Variants in ZNF343 observed in about 807,000 individuals in gnomAD.
The protein encoded by ZNF343 is zinc finger protein 343.
Under a neutral mutation model 13.8 loss-of-function variants are expected in ZNF343, and 11 were observed. The observed-to-expected ratio is 0.80, with a 90% confidence interval of 0.50 to 1.32. ZNF343 has a LOEUF of 1.32. ZNF343 is among the 40% of genes most tolerant of loss of function. The pLI is 0.00. For missense variants in ZNF343, 658 were observed against 714.2 expected (o/e 0.92, Z 0.90); for synonymous variants, 248 against 260.0 (o/e 0.95, Z 0.44).
At chr20:2,488,537 G>A (rs531158283) in intron 5 of ZNF343, among the ~76,000 whole-genome samples, 1 of 151,912 alleles carries the variant, frequency 6.6e-6, no homozygotes, top group Non-Finnish European at 1.5e-5. Context: ...CAACTCAAAG[G>A]ACACATTTTA....
chr20:2,506,872 C>G (rs1183429074), intron 1 of ZNF343, among the ~76,000 whole-genome samples: 1 of 151,700 alleles, frequency 6.6e-6, no homozygotes, highest in African/African-American at 2.4e-5. Context: ...GTGCAGCACA[C>G]CAACATGGAA....
intron 2 of ZNF343, among the ~76,000 whole-genome samples, chr20:2,495,922 C>T (rs554714510): frequency 6.6e-6 from 1 of 152,092 alleles, no homozygotes; most frequent in Admixed American, 6.6e-5. Flanking sequence ...CTTTGTGATC[C>T]GTCTGCCTCG....
upstream of ZNF343, among the ~76,000 whole-genome samples, chr20:2,513,037 C>T (rs994914154): frequency 2.0e-5 from 3 of 151,972 alleles, no homozygotes; most frequent in Admixed American, 1.3e-4. Context: ...GAGTTCCAAG[C>T]TGCAGTGAGC....
chr20:2,496,564 G>C (rs895526418), intron 2 of ZNF343, among the ~76,000 whole-genome samples: 3 of 152,128 alleles, frequency 2.0e-5, no homozygotes, highest in Non-Finnish European at 4.4e-5. Context: ...GGTAGACTAG[G>C]AACAGACAAA....
chr20:2,499,577 G>A (rs1421755723), intron 2 of ZNF343, among the ~76,000 whole-genome samples: 1 of 151,968 alleles, frequency 6.6e-6, no homozygotes, highest in Non-Finnish European at 1.5e-5. Context: ...AGGGTGGAAG[G>A]TGAACTAGAA....
rs374016407 is a variant in ZNF343 at position 2,497,583 on chromosome 20, C to G, written c.-150+3073G>C. 8.5e-5 allele frequency among the ~76,000 whole-genome samples: 13 copies of G among 152,218 alleles called. No individual in the cohort carries two copies. In the East Asian group the frequency reaches 1.9e-3, roughly 23 times the overall value. ...TTAGCACAGTAGTGGCTGCTGGTGA[C>G]CTTGGCAAGAACAGTTTCTGGAGGG... On this transcript the variant is annotated intron_variant, in intron 2 of 5. Transcript: ENST00000278772.
chr20:2,501,665 G>C (rs2085569473), intron 1 of ZNF343, among the ~76,000 whole-genome samples: 2 of 152,214 alleles, frequency 1.3e-5, no homozygotes, highest in Non-Finnish European at 2.9e-5. Flanking sequence ...AATATCCACT[G>C]TTCTGCAGCC....
At chr20:2,515,887 C>T (rs939995711) in intron 1 of ZNF343, among the ~76,000 whole-genome samples, 24 of 152,064 alleles carry the variant, frequency 1.6e-4, no homozygotes, top group Admixed American at 6.5e-5. Flanking sequence ...GTATCTGCAT[C>T]ATCAGGAGGA....
chr20:2,483,497 T>C lies in ZNF343; in HGVS notation c.1464A>G (p.Ser488=). ...SLLLVHQRTH[S]GEKHYVCREC... Reference sequence around the variant, plus strand: ...CCCTGCAGACATAATGCTTCTCCCCTGAGTGTGTCCTCTGGTGGACAAGGA... The same window carrying C: ...CCCTGCAGACATAATGCTTCTCCCCCGAGTGTGTCCTCTGGTGGACAAGGA... Residue 488 remains serine (S), a synonymous_variant, in exon 6 of 6, where the codon TCA becomes TCG. Transcript: ENST00000278772. The C allele has an allele frequency of 6.2e-7, 1 of 1,612,210 alleles. No individual in the cohort carries two copies. The highest frequency in any genetic ancestry group is 8.5e-7 in the Non-Finnish European group (1 of 1,179,440).
intron 1 of ZNF343, among the ~76,000 whole-genome samples, chr20:2,503,814 G>A (rs1174865772): frequency 1.3e-5 from 2 of 152,134 alleles, no homozygotes; most frequent in Non-Finnish European, 2.9e-5. Flanking sequence ...AAAGCAGTGT[G>A]TAGAGGGAAA....
intron 2 of ZNF343, among the ~76,000 whole-genome samples, chr20:2,496,293 G>T (rs2085457963): frequency 6.6e-6 from 1 of 152,150 alleles, no homozygotes; most frequent in Admixed American, 6.6e-5. Context: ...GAACTATAAG[G>T]AAAGAAACCA....
chr20:2,487,378 T>C (rs1329185866), intron 5 of ZNF343, among the ~76,000 whole-genome samples: 1 of 152,244 alleles, frequency 6.6e-6, no homozygotes, highest in African/African-American at 2.4e-5. Context: ...TTCTGGTTTA[T>C]TAACCCTGTA....
At chr20:2,511,671 C>A (rs1169598429), upstream of ZNF343, among the ~76,000 whole-genome samples, 1 of 152,168 alleles carries the variant, frequency 6.6e-6, no homozygotes, top group Non-Finnish European at 1.5e-5. Flanking sequence ...AAAATGAAGT[C>A]TATTCATAAA....
chr20:2,500,415 A>G (rs1386873342), intron 2 of ZNF343, among the ~76,000 whole-genome samples: 3 of 152,246 alleles, frequency 2.0e-5, no homozygotes, highest in African/African-American at 7.2e-5. Context: ...TCCAGCAGCC[A>G]AGATGAAATA....
chr20:2,484,690 T>C, intron 5 of ZNF343, 34 bp from the exon 6 acceptor site: 10 of 1,550,666 alleles, frequency 6.4e-6, no homozygotes, highest in Non-Finnish European at 8.7e-6. Context: ...AGAGTAGCCA[T>C]AAGTAGGGCT....
At chr20:2,486,104 G>C (rs1351319502) in intron 5 of ZNF343, among the ~76,000 whole-genome samples, 1 of 152,166 alleles carries the variant, frequency 6.6e-6, no homozygotes, top group Non-Finnish European at 1.5e-5. Flanking sequence ...AGCATACCAA[G>C]TCATTCAGAC....
At chr20:2,502,524 G>A (rs1483010560) in intron 1 of ZNF343, among the ~76,000 whole-genome samples, 1 of 152,092 alleles carries the variant, frequency 6.6e-6, no homozygotes, top group East Asian at 1.9e-4. Flanking sequence ...ATTCACCAAA[G>A]TTGAAATGAA....
At chr20:2,489,276 T>C (rs1244192425) in intron 5 of ZNF343, among the ~76,000 whole-genome samples, 2 of 152,234 alleles carry the variant, frequency 1.3e-5, no homozygotes, top group East Asian at 3.8e-4. Flanking sequence ...AATGTGTTAA[T>C]AACTATTAAG....
Position 2,492,713 on chromosome 20 carries a change from T to C in ZNF343, c.290A>G (p.Asn97Ser), listed in dbSNP as rs2085385705. The stretch of plus-strand genomic sequence containing the variant: ...CACAGCCTTACCCAATGAGAGAAGA[T>C]TCCTGTAATTCTCCAGCATCACTTC... ...YKEVMLENYR[N>S]LLSLAEPKPE... Residue 97 changes from asparagine (N) to serine (S), a missense_variant, in exon 5 of 6, where the codon AAT (asparagine) becomes AGT (serine). Physicochemically the swap from Asn to Ser is conservative, Grantham distance 46 (BLOSUM62 1). Coordinates refer to ENST00000278772, the MANE Select transcript of ZNF343 (RefSeq NM_024325.6). The C allele has an allele frequency of 6.2e-7, 1 of 1,610,844 alleles. No individual in the cohort carries two copies. Among genetic ancestry groups the C allele is most frequent in the Non-Finnish European group, 8.5e-7 (1 of 1,179,180 alleles).
Sources: gnomAD v4.1 joint callset for allele counts (sites outside exome capture counted in the v4.1 genomes callset) on GRCh38, gnomAD v4.1.1 for gene constraint, MANE v1.5 for transcripts, NCBI Gene and HGNC (gene_info 2026-07-23, HGNC 2026-07-21) for gene names.